PREX2: variants seen among roughly 807,000 people sequenced by gnomAD.
PREX2 encodes the protein phosphatidylinositol 3,4,5-trisphosphate-dependent Rac exchanger 2 protein.
PREX2 carries 107 observed loss-of-function variants against 203.2 expected under a neutral mutation model. The observed-to-expected ratio is 0.53, with a 90% CI of 0.45 to 0.62. The LOEUF (loss-of-function observed/expected upper bound fraction) is 0.62. Ranked by LOEUF, PREX2 falls within the 20% of genes least tolerant of loss-of-function variation. The pLI, the probability that PREX2 is intolerant of heterozygous loss-of-function variation, is 0.00. For missense variants in PREX2, 1,777 were observed against 1,955.9 expected (o/e 0.91, Z 1.72); for synonymous variants, 672 against 663.6 (o/e 1.01, Z -0.19).
Position 68,069,875 on chromosome 8 carries a change from C to T in PREX2, c.1484C>T (p.Pro495Leu). The T allele has an allele frequency of 6.5e-7, 1 of 1,544,616 alleles. No individual in the cohort carries two copies. Residue 495 changes from proline (P) to leucine (L), a missense_variant, in exon 13 of 40, where the codon CCA becomes CTA. Pro to Leu is a moderately conservative substitution (Grantham distance 98, BLOSUM62 -3). Coordinates refer to ENST00000288368, the MANE Select transcript of PREX2 (RefSeq NM_024870.4). Reference protein sequence around the residue: ...LYCRLHSLFTPVIRDKDYHLR... With the variant: ...LYCRLHSLFTLVIRDKDYHLR... ...TGTCGTCTTCATAGCCTTTTTACTC[C>T]AGTGATAAGGTGAGTCTGGTTTTTA... is the stretch of plus-strand genomic sequence containing the variant.
In PREX2 at chr8:68,108,215, A is replaced by G; in HGVS notation, c.2822A>G (p.Asn941Ser). ...SDFCPTNCHV[N>S]VMEVSYPKTS... ...TTCTGCCCTACCAACTGCCATGTCA[A>G]TGTGATGGAAGTTTCTTATCCCAAA... is the stretch of plus-strand genomic sequence containing the variant. The change falls in exon 24 of 40, where the codon AAT becomes AGT. Residue 941 changes from asparagine (N) to serine (S), a missense_variant. By Grantham distance (46) the Asn-to-Ser change is conservative. Coordinates refer to ENST00000288368, the MANE Select transcript of PREX2 (RefSeq NM_024870.4). The G allele has an allele frequency of 6.2e-7, 1 of 1,613,910 alleles. No individual in the cohort carries two copies. The highest frequency in any genetic ancestry group is 8.5e-7 in the Non-Finnish European group (1 of 1,179,862).
At chr8:68,216,930 C>T (rs1812851650) in intron 37 of PREX2, among the ~76,000 whole-genome samples, 1 of 149,234 alleles carries the variant, frequency 6.7e-6, no homozygotes, top group Admixed American at 6.7e-5. Flanking sequence ...CCACTGCACT[C>T]CAGCCTGGCA....
At chr8:68,207,384 T>G (rs1336219032) in intron 37 of PREX2, among the ~76,000 whole-genome samples, 1 of 152,212 alleles carries the variant, frequency 6.6e-6, no homozygotes, top group African/African-American at 2.4e-5. Flanking sequence ...GAGCAAATAC[T>G]TGGAAAGCAC....
intron 8 of PREX2, among the ~76,000 whole-genome samples, chr8:68,048,144 C>T (rs1329366062): frequency 6.6e-6 from 1 of 152,008 alleles, no homozygotes; most frequent in Non-Finnish European, 1.5e-5. Context: ...CTTCAGATTT[C>T]AACTCTCAGT....
At chr8:68,220,760 A>C (rs1197656062) in intron 38 of PREX2, among the ~76,000 whole-genome samples, 2 of 152,188 alleles carry the variant, frequency 1.3e-5, no homozygotes, top group Non-Finnish European at 2.9e-5. Context: ...GTACAAAGTA[A>C]ATGCCAAAAG....
intron 37 of PREX2, among the ~76,000 whole-genome samples, chr8:68,204,678 CTTTTTTTT>C (rs1192583427): frequency 6.0e-5 from 5 of 83,402 alleles, no homozygotes; most frequent in East Asian, 4.3e-4. Context: ...TTTCTTCTTT[CTTTTTTTT>C]TTTTTTTTTT....
At position 68,164,773 on chromosome 8, in the gene PREX2, G is replaced by T. The variant is rs1585839081; in HGVS notation, c.4346+7337G>T. Among the ~76,000 whole-genome samples the T allele has an allele frequency of 2.6e-5, 4 of 151,640 alleles. No individual in the cohort carries two copies. The Middle Eastern group carries it at 0.014, about 519-fold the overall frequency. On this transcript the variant is annotated intron_variant, in intron 35 of 39. Coordinates refer to ENST00000288368, the MANE Select transcript of PREX2 (RefSeq NM_024870.4). The stretch of plus-strand genomic sequence containing the variant: ...AATTTTGTATTTTTAGTAGAGGCAG[G>T]GTTTCTCCATGTTGGTCAGGCTGGT...
intron 6 of PREX2, among the ~76,000 whole-genome samples, chr8:68,037,599 A>T (rs1808070991): frequency 6.6e-6 from 1 of 152,098 alleles, no homozygotes; most frequent in South Asian, 2.1e-4. Flanking sequence ...ACACTTATTT[A>T]ATTAGCTAGA....
At chr8:68,214,540 ACT>A (rs1477677604) in intron 37 of PREX2, among the ~76,000 whole-genome samples, 5 of 152,048 alleles carry the variant, frequency 3.3e-5, no homozygotes, top group Non-Finnish European at 2.9e-5. Flanking sequence ...CGTAAACCTG[ACT>A]CTGAGTATAT....
chr8:68,033,558 A>G (rs1202049394), intron 6 of PREX2, among the ~76,000 whole-genome samples: 1 of 152,176 alleles, frequency 6.6e-6, no homozygotes, highest in Non-Finnish European at 1.5e-5. Flanking sequence ...GAGTCAATAC[A>G]AAAGCTACAG....
At chr8:68,145,633 T>C (rs1304816373) in intron 33 of PREX2, among the ~76,000 whole-genome samples, 1 of 152,138 alleles carries the variant, frequency 6.6e-6, no homozygotes, top group Non-Finnish European at 1.5e-5. Flanking sequence ...TGAAATTTAG[T>C]TTTCAAGTTG....
chr8:68,145,644 A>T (rs922124574), intron 33 of PREX2, among the ~76,000 whole-genome samples: 37 of 152,018 alleles, frequency 2.4e-4, no homozygotes, highest in African/African-American at 8.9e-4. Context: ...TTTCAAGTTG[A>T]TTGGTTTTTT....
intron 10 of PREX2, among the ~76,000 whole-genome samples, chr8:68,059,928 T>G (rs930250080): frequency 1.3e-5 from 2 of 152,246 alleles, no homozygotes; most frequent in Admixed American, 6.5e-5. Context: ...CTAATGCTTT[T>G]AATTTCTCTG....
intron 1 of PREX2, among the ~76,000 whole-genome samples, chr8:68,013,074 G>A (rs1053670960): frequency 6.6e-6 from 1 of 152,176 alleles, no homozygotes; most frequent in Non-Finnish European, 1.5e-5. Context: ...AACAAAAGTC[G>A]TTAGTCTTTG....
chr8:68,209,939 T>C (rs1356306966), intron 37 of PREX2, among the ~76,000 whole-genome samples: 4 of 152,164 alleles, frequency 2.6e-5, no homozygotes, highest in Non-Finnish European at 5.9e-5. Flanking sequence ...GAAATTCTTC[T>C]GCTAATTATA....
In PREX2 at chr8:68,233,345, A is replaced by G. The variant is rs1813204842; in HGVS notation, c.*1967A>G. 6.6e-6 allele frequency: 1 copy of G among 152,192 alleles called. No individual in the cohort carries two copies. Among genetic ancestry groups the G allele is most frequent in the Admixed American group, 6.5e-5 (1 of 15,280 alleles). 9.4% of individuals were successfully genotyped at this position (152,192 alleles called of 1,614,324 possible). ...GAGGCATGCAAGGGTCATTAAAATG[A>G]TTTCAGTTGTACTTTGCCATATTTC... On this transcript the variant is annotated 3_prime_UTR_variant, in exon 40 of 40. Transcript: ENST00000288368.
intron 22 of PREX2, among the ~76,000 whole-genome samples, chr8:68,098,966 A>ATC (rs1554577018): frequency 1.4e-5 from 2 of 143,650 alleles, no homozygotes; most frequent in Non-Finnish European, 3.0e-5. Flanking sequence ...ATATATATAT[A>ATC]TATATATATA....
chr8:68,006,375 C>A (rs918659395), intron 1 of PREX2, among the ~76,000 whole-genome samples: 6 of 152,154 alleles, frequency 3.9e-5, no homozygotes, highest in Non-Finnish European at 8.8e-5. Context: ...ATTTTTATTC[C>A]ATTTTTTATT....
intron 8 of PREX2, among the ~76,000 whole-genome samples, chr8:68,049,117 CTTTTTT>C (rs3056658): frequency 2.6e-5 from 3 of 116,178 alleles, no homozygotes; most frequent in Non-Finnish European, 3.7e-5. Context: ...CAATTAGAAT[CTTTTTT>C]TTTTTTTTTT....
Sources: gnomAD v4.1 joint callset for allele counts (sites outside exome capture counted in the v4.1 genomes callset) on GRCh38, gnomAD v4.1.1 for gene constraint, MANE v1.5 for transcripts, NCBI Gene and HGNC (gene_info 2026-07-23, HGNC 2026-07-21) for gene names.